Variants in SUPT3H observed in about 807,000 individuals in gnomAD.
The protein encoded by SUPT3H is SPT3 homolog, SAGA and STAGA complex component.
In SUPT3H, 44 loss-of-function variants were observed where a neutral mutation model predicts 44.3. The ratio of observed to expected loss-of-function variants is 0.99; its 90% CI spans 0.78 to 1.28. The LOEUF (loss-of-function observed/expected upper bound fraction) is 1.28. Among genes scored for constraint, SUPT3H ranks in the 50% most tolerant of loss-of-function variants. The probability of loss-of-function intolerance (pLI) is 0.00; values close to 1 mark genes in which losing one functional copy is unlikely to be tolerated. For synonymous variants in SUPT3H, 124 were observed against 125.6 expected (o/e 0.99, Z 0.09); for missense variants, 380 against 387.1 (o/e 0.98, Z 0.15).
intron 10 of SUPT3H, among the ~76,000 whole-genome samples, chr6:44,900,714 A>G (rs1267009957): frequency 1.3e-5 from 2 of 152,210 alleles, no homozygotes; most frequent in Non-Finnish European, 2.9e-5. Flanking sequence ...GAGAACCGAC[A>G]GACTGCCTCC....
At chr6:45,162,365 A>G (rs867262180) in intron 2 of SUPT3H, among the ~76,000 whole-genome samples, 4 of 152,184 alleles carry the variant, frequency 2.6e-5, no homozygotes, top group Middle Eastern at 3.4e-3. Context: ...CTCTACAAAA[A>G]TAAAAACTCT....
At chr6:45,151,989 A>T (rs984426665) in intron 2 of SUPT3H, among the ~76,000 whole-genome samples, 1 of 151,938 alleles carries the variant, frequency 6.6e-6, no homozygotes, top group African/African-American at 2.4e-5. Context: ...TCTCAGATCA[A>T]CTTCTCTTCT....
chr6:45,244,648 T>C (rs1263593262), intron 2 of SUPT3H, among the ~76,000 whole-genome samples: 1 of 152,182 alleles, frequency 6.6e-6, no homozygotes, highest in African/African-American at 2.4e-5. Flanking sequence ...TTTAACACTG[T>C]TTAGAGTTTA....
chr6:44,870,655 C>G (rs1172385242), intron 10 of SUPT3H, among the ~76,000 whole-genome samples: 6 of 151,086 alleles, frequency 4.0e-5, no homozygotes, highest in Non-Finnish European at 8.9e-5. Context: ...CCAAGATGGC[C>G]GAATAGGAAC....
intron 2 of SUPT3H, among the ~76,000 whole-genome samples, chr6:45,220,231 C>G (rs1278816968): frequency 4.0e-5 from 6 of 151,892 alleles, no homozygotes; most frequent in Non-Finnish European, 7.4e-5. Flanking sequence ...ATTAGCATAT[C>G]AAATTCAACC....
At chr6:45,317,227 C>CAAAAA (rs70996324) in intron 2 of SUPT3H, among the ~76,000 whole-genome samples, 3,117 of 36,066 alleles carry the variant, frequency 0.086, 417 homozygotes, top group East Asian at 0.15. Context: ...GACTCTGTCT[C>CAAAAA]AAAAAAAAAA....
intron 10 of SUPT3H, among the ~76,000 whole-genome samples, chr6:44,903,770 C>T (rs952228503): frequency 1.3e-5 from 2 of 152,240 alleles, no homozygotes; most frequent in East Asian, 1.9e-4. Flanking sequence ...AATATTGATG[C>T]AAAAATCCTC....
intron 2 of SUPT3H, among the ~76,000 whole-genome samples, chr6:45,216,975 TTAGAGACTAGGGAGGGCA>T (rs1765160742): frequency 6.6e-6 from 1 of 152,110 alleles, no homozygotes; most frequent in African/African-American, 2.4e-5. Flanking sequence ...ATAGTAGTTA[TTAGAGACTAGGGAGGGCA>T]GAGAGATTAC....
At chr6:45,176,766 C>G (rs1811997121) in intron 2 of SUPT3H, among the ~76,000 whole-genome samples, 1 of 152,140 alleles carries the variant, frequency 6.6e-6, no homozygotes, top group Admixed American at 6.5e-5. Context: ...GGTCCCTGAC[C>G]CCTGACCCCC....
At chr6:45,369,218 A>G (rs1795641094) in intron 1 of SUPT3H, among the ~76,000 whole-genome samples, 1 of 151,992 alleles carries the variant, frequency 6.6e-6, no homozygotes, top group Non-Finnish European at 1.5e-5. Flanking sequence ...AACTTTCACT[A>G]TCTCCAGAAC....
chr6:44,978,813 C>T (rs2396371), intron 6 of SUPT3H, among the ~76,000 whole-genome samples: 74,164 of 151,888 alleles, frequency 0.49, 18,634 homozygotes, highest in East Asian at 0.7. Context: ...GGCTAAAAAC[C>T]CTATAATCAC....
chr6:45,196,244 A>G (rs1159079004), intron 2 of SUPT3H, among the ~76,000 whole-genome samples: 1 of 152,070 alleles, frequency 6.6e-6, no homozygotes, highest in Non-Finnish European at 1.5e-5. Context: ...GCTGTTTAAA[A>G]TTTATTTTTT....
chr6:45,104,929 G>A (rs1441139341), intron 3 of SUPT3H, among the ~76,000 whole-genome samples: 1 of 151,682 alleles, frequency 6.6e-6, no homozygotes, highest in Non-Finnish European at 1.5e-5. Context: ...TAATATTCAT[G>A]AGGAACAATA....
chr6:44,872,296 T>C lies in SUPT3H; in HGVS notation c.913-42439A>G, dbSNP rs1441840515. Among the ~76,000 whole-genome samples the C allele has an allele frequency of 4.1e-5, 3 of 74,074 alleles. 1 individual carries two copies. The Admixed American group carries it at 4.7e-4, about 12-fold the overall frequency. 48.6% of individuals were successfully genotyped at this position (74,074 alleles called of 152,430 possible). ...GAAAGCCCATCAGACTAACAGCGGATCTCTCGGCAGAAACCCTACAAGCCA... is the reference window on the plus strand; with the variant it reads ...GAAAGCCCATCAGACTAACAGCGGACCTCTCGGCAGAAACCCTACAAGCCA... On this transcript the variant is annotated intron_variant, in intron 10 of 10. Coordinates refer to ENST00000371459, the MANE Select transcript of SUPT3H (RefSeq NM_003599.4).
chr6:44,870,841 G>T (rs367946366), intron 10 of SUPT3H, among the ~76,000 whole-genome samples: 2 of 151,724 alleles, frequency 1.3e-5, no homozygotes, highest in South Asian at 4.2e-4. Flanking sequence ...CCTGGGAAGC[G>T]CAAGGGGTCA....
At chr6:45,350,500 G>A (rs1055662144) in intron 2 of SUPT3H, among the ~76,000 whole-genome samples, 1 of 152,116 alleles carries the variant, frequency 6.6e-6, no homozygotes. Flanking sequence ...TTACATTTTG[G>A]CTCAAGCTGC....
chr6:45,130,684 T>TA (rs1224454157), intron 2 of SUPT3H, among the ~76,000 whole-genome samples: 580 of 50,590 alleles, frequency 0.011, 2 homozygotes, highest in African/African-American at 0.035. Context: ...AAGACAAAGG[T>TA]AAAAAAAAAA....
chr6:45,199,332 T>C (rs1651130140), intron 2 of SUPT3H, among the ~76,000 whole-genome samples: 1 of 151,228 alleles, frequency 6.6e-6, no homozygotes, highest in South Asian at 2.1e-4. Flanking sequence ...TATATACAAA[T>C]AATGTAACCT....
chr6:44,945,364 T>C (rs1030150022), intron 9 of SUPT3H, among the ~76,000 whole-genome samples: 2 of 152,134 alleles, frequency 1.3e-5, no homozygotes, highest in African/African-American at 4.8e-5. Flanking sequence ...TCACTTTAAA[T>C]CAAAGCCTAC....
Sources: allele counts gnomAD v4.1 joint callset (sites outside exome capture counted in the v4.1 genomes callset), GRCh38; gene constraint gnomAD v4.1.1; transcripts MANE v1.5; gene names NCBI Gene and HGNC (gene_info 2026-07-23, HGNC 2026-07-21).